CDH13: variants seen among roughly 807,000 people sequenced by gnomAD.
CDH13 encodes the protein cadherin-13.
CDH13 carries 24 observed loss-of-function variants against 63.8 expected under a neutral mutation model. The ratio of observed to expected loss-of-function variants is 0.38; its 90% CI spans 0.27 to 0.53. The LOEUF is 0.53. Among genes scored for constraint, CDH13 ranks in the 20% least tolerant of loss-of-function variants. The pLI, the probability that CDH13 is intolerant of heterozygous loss-of-function variation, is 0.85. For synonymous variants in CDH13, 503 were observed against 355.3 expected (o/e 1.42, Z -4.67); for missense variants, 1,049 against 903.1 (o/e 1.16, Z -2.07).
intron 1 of CDH13, among the ~76,000 whole-genome samples, chr16:82,819,501 G>C (rs2037893770): frequency 6.6e-6 from 1 of 152,082 alleles, no homozygotes; most frequent in Non-Finnish European, 1.5e-5. Context: ...TCCCAGGCTT[G>C]GCCCTACTGG....
intron 7 of CDH13, among the ~76,000 whole-genome samples, chr16:83,489,659 C>T (rs931218065): frequency 1.3e-5 from 2 of 152,132 alleles, no homozygotes; most frequent in African/African-American, 4.8e-5. Context: ...AGACTTGGCA[C>T]TTTTTGTAGG....
At chr16:83,028,001 G>T (rs1248987289) in intron 2 of CDH13, among the ~76,000 whole-genome samples, 1 of 152,112 alleles carries the variant, frequency 6.6e-6, no homozygotes, top group Non-Finnish European at 1.5e-5. Context: ...TTTATGGTAG[G>T]AAGAAAGGGT....
At chr16:83,558,446 G>C (rs2075642904) in intron 7 of CDH13, among the ~76,000 whole-genome samples, 1 of 152,214 alleles carries the variant, frequency 6.6e-6, no homozygotes. Flanking sequence ...CTGACTGGTT[G>C]TGCCTTGGGT....
At chr16:83,761,637 G>C (rs11860890) in intron 11 of CDH13, among the ~76,000 whole-genome samples, 2 of 152,148 alleles carry the variant, frequency 1.3e-5, no homozygotes, top group Non-Finnish European at 2.9e-5. Flanking sequence ...AGACTGGCAC[G>C]AGAGTAGGTG....
intron 2 of CDH13, among the ~76,000 whole-genome samples, chr16:82,877,240 C>T (rs188657707): frequency 3.9e-5 from 6 of 152,270 alleles, no homozygotes; most frequent in Non-Finnish European, 7.4e-5. Flanking sequence ...GATGAGTTTA[C>T]TGAAATAAGT....
chr16:83,250,696 A>G (rs1905422935), intron 5 of CDH13, among the ~76,000 whole-genome samples: 1 of 152,206 alleles, frequency 6.6e-6, no homozygotes, highest in South Asian at 2.1e-4. Flanking sequence ...AATAAATCCA[A>G]GAGGAAAGCA....
chr16:82,921,759 C>T (rs1446794327), intron 2 of CDH13, among the ~76,000 whole-genome samples: 4 of 152,088 alleles, frequency 2.6e-5, no homozygotes, highest in Non-Finnish European at 5.9e-5. Context: ...ATAGTGGCCT[C>T]ATAGAATGAG....
intron 3 of CDH13, among the ~76,000 whole-genome samples, chr16:83,034,200 C>G (rs548310891): frequency 3.9e-5 from 6 of 152,214 alleles, no homozygotes; most frequent in African/African-American, 1.2e-4. Flanking sequence ...GCTAATAACC[C>G]CTGGCTTAGC....
chr16:83,661,100 CA>C (rs1289115003), intron 8 of CDH13, among the ~76,000 whole-genome samples: 1 of 149,962 alleles, frequency 6.7e-6, no homozygotes, highest in Non-Finnish European at 1.5e-5. Context: ...ATATACAAAA[CA>C]GATAAAATAT....
At chr16:82,853,275 T>TGTA (rs1363595823) in intron 1 of CDH13, among the ~76,000 whole-genome samples, 7 of 152,226 alleles carry the variant, frequency 4.6e-5, no homozygotes, top group Non-Finnish European at 1.0e-4. Context: ...TGTCCCTGTA[T>TGTA]GTAGTCTAAA....
intron 3 of CDH13, among the ~76,000 whole-genome samples, chr16:83,097,234 T>A (rs1304734060): frequency 2.0e-5 from 3 of 152,176 alleles, no homozygotes; most frequent in African/African-American, 7.2e-5. Flanking sequence ...TAAGAACTTA[T>A]GAAGCTCATA....
At chr16:83,038,809 C>G (rs866276291) in intron 3 of CDH13, among the ~76,000 whole-genome samples, 2 of 152,208 alleles carry the variant, frequency 1.3e-5, no homozygotes, top group African/African-American at 4.8e-5. Flanking sequence ...AACGAAAACA[C>G]TCACAAAGTA....
intron 8 of CDH13, among the ~76,000 whole-genome samples, chr16:83,667,497 C>T (rs932682019): frequency 6.6e-6 from 1 of 152,114 alleles, no homozygotes; most frequent in African/African-American, 2.4e-5. Flanking sequence ...CCATCCGTCC[C>T]ATCTTCAGAC....
rs538416170 is a variant in CDH13 at position 83,049,526 on chromosome 16, C to T, written c.366+17308C>T. 9.2e-5 allele frequency among the ~76,000 whole-genome samples: 14 copies of T among 151,756 alleles called. No individual in the cohort carries two copies. In the South Asian group the frequency reaches 1.7e-3, roughly 18 times the overall value. ...ATTTTTTGTATTTTTTAGTAGAGACCGGGTTTCACCGTGTTAGCCAGGATG... is the reference window on the plus strand; with the variant it reads ...ATTTTTTGTATTTTTTAGTAGAGACTGGGTTTCACCGTGTTAGCCAGGATG... On this transcript the variant is annotated intron_variant, in intron 3 of 13. Coordinates refer to ENST00000567109, the MANE Select transcript of CDH13 (RefSeq NM_001257.5).
In CDH13 at chr16:83,635,989, T is replaced by C. The variant is rs142982143; in HGVS notation, c.1101+33395T>C. 6.4e-3 allele frequency among the ~76,000 whole-genome samples: 975 copies of C among 152,240 alleles called. 11 individuals carry two copies. The highest frequency in any genetic ancestry group is 0.04 in the East Asian group (204 of 5,164). On this transcript the variant is annotated intron_variant, in intron 8 of 13. Transcript: ENST00000567109. ...TCGGAACTGATTTTTTTATGTAAAG[T>C]GTAAGGTTTAGGTTGAGTTCATTTA...
At position 83,029,035 on chromosome 16, in the gene CDH13, TAGG is replaced by T. The variant is rs1293089006; in HGVS notation, c.158-2972_158-2970del. 2.2e-4 allele frequency among the ~76,000 whole-genome samples: 34 copies of T among 152,268 alleles called. No homozygotes were observed. The East Asian group carries it at 4.8e-3, about 22-fold the overall frequency. On this transcript the variant is annotated intron_variant, in intron 2 of 13. Transcript: ENST00000567109. ...CCTCAGTTTCCTTATCTAGAAACTG[TAGG>T]AGAAGGGGATCAAAATAGTACTTTA...
chr16:83,669,839 G>C (rs1179448926), intron 8 of CDH13, among the ~76,000 whole-genome samples: 2 of 152,056 alleles, frequency 1.3e-5, no homozygotes, highest in Non-Finnish European at 2.9e-5. Flanking sequence ...CTTTTTGTCA[G>C]CTTATTGGTG....
chr16:83,720,133 T>C (rs1909492914), intron 10 of CDH13, among the ~76,000 whole-genome samples: 1 of 152,120 alleles, frequency 6.6e-6, no homozygotes, highest in African/African-American at 2.4e-5. Flanking sequence ...GGGGTGCTGG[T>C]GGTCATCTGA....
At chr16:83,043,715 T>C (rs1917533293) in intron 3 of CDH13, among the ~76,000 whole-genome samples, 1 of 151,660 alleles carries the variant, frequency 6.6e-6, no homozygotes, top group African/African-American at 2.4e-5. Context: ...AAAAATTAGC[T>C]GGGCATGGTG....
Sources: gnomAD v4.1 joint callset for allele counts (sites outside exome capture counted in the v4.1 genomes callset) on GRCh38, gnomAD v4.1.1 for gene constraint, MANE v1.5 for transcripts, NCBI Gene and HGNC (gene_info 2026-07-23, HGNC 2026-07-21) for gene names.